Variants in ANO4 observed in about 807,000 individuals in gnomAD.
ANO4 encodes the protein anoctamin-4.
In ANO4, 69 loss-of-function variants were observed where a neutral mutation model predicts 141.9. The observed-to-expected ratio is 0.49, with a 90% CI of 0.40 to 0.59. ANO4 has a LOEUF of 0.59. Ranked by LOEUF, ANO4 falls within the 20% of genes least tolerant of loss-of-function variation. The probability of loss-of-function intolerance (pLI) is 0.00; values close to 1 mark genes in which losing one functional copy is unlikely to be tolerated. For missense variants in ANO4, 894 were observed against 1,162.2 expected (o/e 0.77, Z 3.36); for synonymous variants, 350 against 394.3 (o/e 0.89, Z 1.33).
At chr12:100,994,851 A>G (rs1391102493) in intron 8 of ANO4, among the ~76,000 whole-genome samples, 1 of 152,212 alleles carries the variant, frequency 6.6e-6, no homozygotes, top group Admixed American at 6.5e-5. Flanking sequence ...GTAATAAATT[A>G]TAAACCAGCA....
chr12:101,056,351 A>C lies in ANO4; in HGVS notation c.1312+7950A>C, dbSNP rs2048116114. Reference sequence around the variant, plus strand: ...TTATGCCTATATATTGGATTTTTTGAGTTTTTTACAAATAGTATTTTTCTG... The same window carrying C: ...TTATGCCTATATATTGGATTTTTTGCGTTTTTTACAAATAGTATTTTTCTG... On this transcript the variant is annotated intron_variant, in intron 14 of 27. Transcript: ENST00000392977. Among the ~76,000 whole-genome samples the C allele has an allele frequency of 2.5e-5, 3 of 121,816 alleles. No individual in the cohort carries two copies. The Admixed American group carries it at 2.5e-4, about 10-fold the overall frequency. 79.9% of individuals were successfully genotyped at this position (121,816 alleles called of 152,430 possible).
intron 3 of ANO4, among the ~76,000 whole-genome samples, chr12:100,747,135 AC>A (rs1275794910): frequency 6.6e-6 from 1 of 151,920 alleles, no homozygotes; most frequent in Admixed American, 6.6e-5. Flanking sequence ...AGGCGAAATC[AC>A]CCCCAGTTGA....
At chr12:101,052,790 A>G (rs2136680672) in intron 14 of ANO4, among the ~76,000 whole-genome samples, 1 of 152,380 alleles carries the variant, frequency 6.6e-6, no homozygotes, top group Admixed American at 6.5e-5. Context: ...CTAAAGGCCT[A>G]CCATGTTTGT....
intron 10 of ANO4, 117 bp from the exon 11 acceptor site, chr12:101,039,838 T>C (rs1281604078): frequency 2.5e-6 from 3 of 1,177,248 alleles, no homozygotes; most frequent in Non-Finnish European, 3.6e-6. Flanking sequence ...AGAGGATTCA[T>C]TTCTTTCTCA....
In ANO4 at chr12:101,097,716, T is replaced by G; in HGVS notation, c.1908+8T>G. On this transcript the variant is annotated splice_region_variant and intron_variant, in intron 20 of 27. Transcript: ENST00000392977. ...AGGTGGAGACTAGAAGAGGTCTGTA[T>G]TCTCCCATCATTCCTTGTTTCCGAC... 3.1e-6 allele frequency: 5 copies of G among 1,613,612 alleles called. No homozygotes were observed. The highest frequency in any genetic ancestry group is 4.2e-6 in the Non-Finnish European group (5 of 1,179,604).
chr12:100,903,579 G>T (rs2040697548), intron 2 of ANO4, among the ~76,000 whole-genome samples: 1 of 152,146 alleles, frequency 6.6e-6, no homozygotes, highest in Admixed American at 6.5e-5. Flanking sequence ...GGTTCAATCA[G>T]AAAAGCAAAA....
In ANO4 at chr12:101,008,990, C is replaced by T. The variant is rs1486644231; in HGVS notation, c.735-11044C>T. Among the ~76,000 whole-genome samples the T allele has an allele frequency of 3.9e-5, 6 of 152,010 alleles. No individual in the cohort carries two copies. In the East Asian group the frequency reaches 9.6e-4, roughly 24 times the overall value. On this transcript the variant is annotated intron_variant, in intron 8 of 27. Transcript: ENST00000392977. ...CTTTTTTTATTGTACCCTCATTTTG[C>T]ATTCTCTAGTGACTTCCTAATAAGA...
At chr12:101,077,733 A>C (rs2049077394) in intron 14 of ANO4, among the ~76,000 whole-genome samples, 1 of 152,184 alleles carries the variant, frequency 6.6e-6, no homozygotes, top group African/African-American at 2.4e-5. Flanking sequence ...CTCACTAAGA[A>C]GAATAAATAG....
In ANO4 at chr12:100,753,863, G is replaced by A. The variant is rs186416968; in HGVS notation, c.358+13758G>A. ...CTGAATTTCTGGTTGTCTATTGGAC[G>A]TGTTCCCACATGTTCCCACAAGCAC... is the stretch of plus-strand genomic sequence containing the variant. On this transcript the variant is annotated intron_variant, in intron 3 of 29. Coordinates refer to the ANO4 transcript ENST00000644049. Among the ~76,000 whole-genome samples the A allele has an allele frequency of 2.6e-5, 4 of 152,220 alleles. No homozygotes were observed. In the East Asian group the frequency reaches 7.7e-4, roughly 29 times the overall value.
At chr12:101,049,721 T>C (rs1416982104) in intron 14 of ANO4, among the ~76,000 whole-genome samples, 1 of 152,218 alleles carries the variant, frequency 6.6e-6, no homozygotes, top group Non-Finnish European at 1.5e-5. Flanking sequence ...AGGGAGCTTG[T>C]TCTTGATATA....
At chr12:100,827,459 G>T (rs2036412421) in intron 1 of ANO4, among the ~76,000 whole-genome samples, 1 of 151,794 alleles carries the variant, frequency 6.6e-6, no homozygotes, top group Admixed American at 6.6e-5. Flanking sequence ...TAAATTAAAT[G>T]TATCTTTGTT....
chr12:100,816,375 G>A (rs917526555), intron 1 of ANO4, among the ~76,000 whole-genome samples: 1 of 152,046 alleles, frequency 6.6e-6, no homozygotes, highest in Non-Finnish European at 1.5e-5. Flanking sequence ...TGAAAGATGA[G>A]TGGTCCATTA....
chr12:100,924,362 A>C (rs939641730), intron 3 of ANO4, among the ~76,000 whole-genome samples: 1 of 152,148 alleles, frequency 6.6e-6, no homozygotes, highest in East Asian at 1.9e-4. Context: ...AGGGTGGAAG[A>C]AATTAAATGA....
At chr12:101,068,165 T>A in intron 14 of ANO4, 1 of 1,014,196 alleles carries the variant, frequency 9.9e-7, no homozygotes, top group South Asian at 2.0e-5. Context: ...GGAGTTGACT[T>A]TTAAATAGCC....
At chr12:100,923,661 A>G (rs1347295785) in intron 3 of ANO4, among the ~76,000 whole-genome samples, 1 of 152,128 alleles carries the variant, frequency 6.6e-6, no homozygotes, top group Non-Finnish European at 1.5e-5. Context: ...CAGTAATGGG[A>G]TTGCTGGGTC....
chr12:100,828,729 CATT>C lies in ANO4; in HGVS notation c.-141+33703_-141+33705del, dbSNP rs2036489527. On this transcript the variant is annotated intron_variant, in intron 1 of 27. Coordinates refer to ENST00000392977, the MANE Select transcript of ANO4 (RefSeq NM_001286615.2). ...GAGATAGAAATACATATATGAATAACATTCTTCTTCTCTCCAACTTCATATAGC... is the reference window on the plus strand; with the variant it reads ...GAGATAGAAATACATATATGAATAACCTTCTTCTCTCCAACTTCATATAGC... Among the ~76,000 whole-genome samples, 4 of 152,106 alleles carry C rather than the reference CATT, an allele frequency of 2.6e-5. No homozygotes were observed. The South Asian group carries it at 8.3e-4, about 32-fold the overall frequency.
chr12:101,057,655 A>G (rs2048177951), intron 14 of ANO4, among the ~76,000 whole-genome samples: 1 of 152,122 alleles, frequency 6.6e-6, no homozygotes, highest in South Asian at 2.1e-4. Context: ...GCCTGTGTAA[A>G]TGTCTTCTTT....
At chr12:101,084,739 G>A (rs1343113923) in intron 16 of ANO4, among the ~76,000 whole-genome samples, 1 of 152,166 alleles carries the variant, frequency 6.6e-6, no homozygotes, top group African/African-American at 2.4e-5. Flanking sequence ...TGCCTTCTAT[G>A]TACATATTCA....
At chr12:100,776,413 A>G (rs572120144) in intron 3 of ANO4, among the ~76,000 whole-genome samples, 6 of 152,286 alleles carry the variant, frequency 3.9e-5, no homozygotes, top group African/African-American at 1.4e-4. Context: ...CACCCCAGGG[A>G]TTCAGCATCA....
Sources: allele counts gnomAD v4.1 joint callset (sites outside exome capture counted in the v4.1 genomes callset), GRCh38; gene constraint gnomAD v4.1.1; transcripts MANE v1.5; gene names NCBI Gene and HGNC (gene_info 2026-07-23, HGNC 2026-07-21).